The following PSEN2 variants were observed in gnomAD, a reference collection of about 807,000 sequenced individuals.
PSEN2 encodes the protein presenilin-2.
PSEN2 carries 32 observed loss-of-function variants against 49.1 expected under a neutral mutation model. That is an observed-to-expected ratio of 0.65 (90% CI 0.49 to 0.88). PSEN2 has a LOEUF of 0.88. PSEN2 is among the 40% of genes least tolerant of loss of function. The pLI is 0.00. For missense variants in PSEN2, 522 were observed against 586.9 expected (o/e 0.89, Z 1.14); for synonymous variants, 255 against 244.0 (o/e 1.05, Z -0.42).
chr1:226,891,431 T>A, intron 10 of PSEN2, 70 bp downstream of exon 10: 2 of 1,388,888 alleles, frequency 1.4e-6, no homozygotes, highest in Admixed American at 2.0e-5. Context: ...CCAGCTCTGC[T>A]CGGCCTGGCT....
At chr1:226,899,818 G>T (rs1025606762), downstream of PSEN2, among the ~76,000 whole-genome samples, 1 of 152,140 alleles carries the variant, frequency 6.6e-6, no homozygotes, top group Non-Finnish European at 1.5e-5. Context: ...TGTGCTAGCC[G>T]TCAAGTCACA....
intron 10 of PSEN2, 138 bp from the exon 11 acceptor site, chr1:226,891,605 G>C (rs988194633): frequency 2.4e-6 from 2 of 842,734 alleles, no homozygotes. Context: ...GGGAAGCCCT[G>C]GTGTCAGGTG....
At chr1:226,901,921 T>G (rs1395466947) in intron 12 of PSEN2, among the ~76,000 whole-genome samples, 1 of 152,182 alleles carries the variant, frequency 6.6e-6, no homozygotes, top group Non-Finnish European at 1.5e-5. Context: ...GCAGGAGATG[T>G]AGGGACTTGG....
At chr1:226,886,646 C>T (rs1661382631) in intron 6 of PSEN2, among the ~76,000 whole-genome samples, 1 of 152,238 alleles carries the variant, frequency 6.6e-6, no homozygotes, top group Non-Finnish European at 1.5e-5. Flanking sequence ...CAGGCCGCTG[C>T]CATCCATGGA....
Position 226,890,081 on chromosome 1 carries a change from A to G in PSEN2, c.834A>G (p.Val278=). The change falls in exon 9 of 13, where the codon GTA becomes GTG. Residue 278 remains valine (V), a synonymous_variant. Transcript: ENST00000366783. ...LCPKGPLRML[V]ETAQERNEPI... ...CCAAAGGGCCTCTGAGAATGCTGGT[A>G]GAAACTGCCCAGGAGAGAAATGAGC... The G allele has an allele frequency of 6.2e-7, 1 of 1,614,126 alleles. No individual in the cohort carries two copies.
At chr1:226,871,595 G>T (rs1660296735) in intron 2 of PSEN2, among the ~76,000 whole-genome samples, 191 bp downstream of exon 2, 1 of 152,170 alleles carries the variant, frequency 6.6e-6, no homozygotes, top group Non-Finnish European at 1.5e-5. Flanking sequence ...CCATAGAGAC[G>T]ATTGTAGACT....
chr1:226,888,028 TG>T, intron 6 of PSEN2, 62 bp from the exon 7 acceptor site: 2 of 1,352,964 alleles, frequency 1.5e-6, no homozygotes, highest in Non-Finnish European at 2.1e-6. Flanking sequence ...CTCAGGATCC[TG>T]GGGGCCTTAG....
chr1:226,875,903 C>T (rs573515900), intron 3 of PSEN2, among the ~76,000 whole-genome samples: 1 of 152,286 alleles, frequency 6.6e-6, no homozygotes, highest in South Asian at 2.1e-4. Context: ...GATTTTGCAT[C>T]CTAATCCAAA....
intron 8 of PSEN2, among the ~76,000 whole-genome samples, 159 bp from the exon 9 acceptor site, chr1:226,889,876 C>T (rs1661623739): frequency 6.6e-6 from 1 of 152,226 alleles, no homozygotes. Context: ...CACACCAGGG[C>T]CTGCTCTAAG....
chr1:226,885,748 G>C, intron 6 of PSEN2, 69 bp downstream of exon 6: 2 of 1,582,640 alleles, frequency 1.3e-6, no homozygotes, highest in East Asian at 4.5e-5. Context: ...GGCAGGGCCC[G>C]TGAAACAGCC....
intron 5 of PSEN2, among the ~76,000 whole-genome samples, chr1:226,885,203 G>A (rs530300727): frequency 4.2e-4 from 64 of 152,044 alleles, no homozygotes; most frequent in Non-Finnish European, 8.1e-4. Flanking sequence ...GGTGGGTGGG[G>A]GAATGAGAAC....
intron 5 of PSEN2, among the ~76,000 whole-genome samples, chr1:226,885,197 G>A (rs1354988315): frequency 6.6e-6 from 1 of 151,954 alleles, no homozygotes; most frequent in East Asian, 1.9e-4. Flanking sequence ...GGTGTGGGTG[G>A]GTGGGGGAAT....
Position 226,894,169 on chromosome 1 carries a change from C to T in PSEN2, c.1191+44C>T, listed in dbSNP as rs1253998263. 4 of 1,464,310 alleles carry T rather than the reference C, an allele frequency of 2.7e-6. No homozygotes were observed. In the South Asian group the frequency reaches 3.4e-5, roughly 13 times the overall value. The allele number at this position is 1,464,310 out of a possible 1,614,324, so 90.7% of individuals were successfully genotyped here. On this transcript the variant is annotated intron_variant, in intron 12 of 12. Coordinates refer to ENST00000366783, the MANE Select transcript of PSEN2 (RefSeq NM_000447.3). ...GTCCAGCTGCCTCGTGGTGGGGGCC[C>T]CCAGGGTCCTCATTGTGGTGGGGGC... is the stretch of plus-strand genomic sequence containing the variant.
At chr1:226,882,937 A>G (rs904585095) in intron 4 of PSEN2, among the ~76,000 whole-genome samples, 6 of 152,218 alleles carry the variant, frequency 3.9e-5, no homozygotes, top group African/African-American at 1.4e-4. Context: ...ACCGGTACTG[A>G]AGCAACTGTC....
intron 2 of PSEN2, among the ~76,000 whole-genome samples, 174 bp downstream of exon 2, chr1:226,871,578 G>C (rs962894917): frequency 3.9e-5 from 6 of 152,206 alleles, no homozygotes; most frequent in African/African-American, 1.4e-4. Context: ...GAGAACCTGA[G>C]AGCATTCCAT....
chr1:226,880,780 TA>T (rs1188693593), intron 3 of PSEN2: 2 of 1,609,902 alleles, frequency 1.2e-6, no homozygotes, highest in East Asian at 4.5e-5. Flanking sequence ...GGCACTGTTT[TA>T]GGGGGCAGGC....
chr1:226,900,388 A>G (rs1262663150), downstream of PSEN2, among the ~76,000 whole-genome samples: 1 of 152,146 alleles, frequency 6.6e-6, no homozygotes, highest in Admixed American at 6.5e-5. Context: ...GACAATTTTC[A>G]TGCCTGACAG....
chr1:226,895,156 A>G (rs578035347), intron 12 of PSEN2, among the ~76,000 whole-genome samples: 99 of 152,326 alleles, frequency 6.5e-4, no homozygotes, highest in African/African-American at 2.0e-3. Context: ...GGGAGGCAGC[A>G]CGGCCTCGGG....
At chr1:226,889,683 A>G (rs1661609192) in intron 8 of PSEN2, among the ~76,000 whole-genome samples, 1 of 152,270 alleles carries the variant, frequency 6.6e-6, no homozygotes, top group Admixed American at 6.5e-5. Flanking sequence ...CCATGCATAT[A>G]CATAACCCCA....
Sources: gnomAD v4.1 joint callset for allele counts (sites outside exome capture counted in the v4.1 genomes callset) on GRCh38, gnomAD v4.1.1 for gene constraint, MANE v1.5 for transcripts, NCBI Gene and HGNC (gene_info 2026-07-23, HGNC 2026-07-21) for gene names.